Variants in LRCH2 observed in about 807,000 individuals in gnomAD.
The protein encoded by LRCH2 is leucine rich repeats and calponin homology domain containing 2.
LRCH2 carries 38 observed loss-of-function variants against 68.9 expected under a neutral mutation model. The ratio of observed to expected loss-of-function variants is 0.55; its 90% CI spans 0.43 to 0.72. The LOEUF is 0.72. Ranked by LOEUF, LRCH2 falls within the 30% of genes least tolerant of loss-of-function variation. LRCH2 has a pLI of 0.00. For synonymous variants in LRCH2, 191 were observed against 208.1 expected (o/e 0.92, Z 0.71); for missense variants, 528 against 572.9 (o/e 0.92, Z 0.80).
chrX:115,130,660 A>C (rs945966853), intron 14 of LRCH2, among the ~76,000 whole-genome samples: 1 of 110,348 alleles, frequency 9.1e-6, no homozygotes, highest in Non-Finnish European at 1.9e-5. Flanking sequence ...TTCATTATTA[A>C]GAAACCTACT....
At chrX:115,190,062 T>A (rs1272513067) in intron 1 of LRCH2, 1 of 1,154,649 alleles carries the variant, frequency 8.7e-7, no homozygotes, top group Non-Finnish European at 1.2e-6. Context: ...ACAAGAGGGC[T>A]GTGCCCCGGT....
intron 15 of LRCH2, among the ~76,000 whole-genome samples, chrX:115,129,741 T>C (rs1327224912): frequency 8.9e-6 from 1 of 111,771 alleles, no homozygotes; most frequent in Non-Finnish European, 1.9e-5. Flanking sequence ...GAAAGGTTTA[T>C]GGTAATGCAC....
intron 1 of LRCH2, chrX:115,192,090 G>A (rs1556560776): frequency 1.7e-6 from 2 of 1,164,950 alleles, no homozygotes; most frequent in Non-Finnish European, 2.3e-6. Context: ...CCCACAGCGG[G>A]GACCACTACA....
intron 1 of LRCH2, among the ~76,000 whole-genome samples, chrX:115,223,261 G>A (rs912427935): frequency 9.0e-6 from 1 of 111,375 alleles, no homozygotes; most frequent in Non-Finnish European, 1.9e-5. Flanking sequence ...AGGATAAATC[G>A]TTCTGACCCT....
At chrX:115,119,147 T>C (rs1453799889) in intron 20 of LRCH2, among the ~76,000 whole-genome samples, 20 of 110,124 alleles carry the variant, frequency 1.8e-4, no homozygotes, top group Non-Finnish European at 3.8e-4. Context: ...CTATTCAACA[T>C]AGTGTTGGAA....
chrX:115,197,120 T>C (rs1389408858), intron 1 of LRCH2, among the ~76,000 whole-genome samples: 1 of 111,502 alleles, frequency 9.0e-6, no homozygotes, highest in South Asian at 3.8e-4. Context: ...CGAACATCAT[T>C]GTCATATCTT....
At chrX:115,207,591 G>A (rs1380376141) in intron 1 of LRCH2, among the ~76,000 whole-genome samples, 2 of 111,540 alleles carry the variant, frequency 1.8e-5, no homozygotes, top group Admixed American at 9.5e-5. Context: ...ATTCCTCCGT[G>A]GGAGATTCAC....
chrX:115,138,562 C>T (rs1556532782), intron 14 of LRCH2, among the ~76,000 whole-genome samples: 1 of 110,520 alleles, frequency 9.0e-6, no homozygotes, highest in Non-Finnish European at 1.9e-5. Flanking sequence ...CTTTTTCTTC[C>T]CTATAACAGA....
At position 115,111,093 on chromosome X, in the gene LRCH2, T is replaced by C. The variant is rs989784699; in HGVS notation, c.*2123A>G. On this transcript the variant is annotated 3_prime_UTR_variant, in exon 21 of 21. Transcript: ENST00000317135. The stretch of plus-strand genomic sequence containing the variant: ...ATACATCAGAGCCTTGGTATAACAT[T>C]GTAGGGGACCATGCTGTGAAACTGC... The C allele has an allele frequency of 3.6e-5, 4 of 111,450 alleles. No individual in the cohort carries two copies. The highest frequency in any genetic ancestry group is 1.3e-4 in the African/African-American group (4 of 30,674). The allele number at this position is 111,450 out of a possible 1,213,427, so 9.2% of individuals were successfully genotyped here.
chrX:115,175,867 T>C (rs782010238), intron 5 of LRCH2, among the ~76,000 whole-genome samples: 2 of 112,022 alleles, frequency 1.8e-5, no homozygotes, highest in Admixed American at 9.5e-5. Flanking sequence ...TTTCACTAAG[T>C]TCTGTGAACC....
intron 1 of LRCH2, among the ~76,000 whole-genome samples, chrX:115,216,547 T>G (rs1309908964): frequency 3.6e-5 from 4 of 111,510 alleles, no homozygotes; most frequent in African/African-American, 1.3e-4. Flanking sequence ...CAGACAAAAT[T>G]TTGAGACAGC....
intron 5 of LRCH2, 113 bp from the exon 6 acceptor site, chrX:115,170,545 T>C: frequency 1.4e-6 from 1 of 695,360 alleles, no homozygotes; most frequent in Non-Finnish European, 1.9e-6. Context: ...TCTTGATTGA[T>C]ACTTTGCATA....
chrX:115,153,427 G>C (rs1556538695), intron 12 of LRCH2, among the ~76,000 whole-genome samples: 2 of 111,355 alleles, frequency 1.8e-5, no homozygotes, highest in Non-Finnish European at 3.8e-5. Context: ...CTTTTAGGCA[G>C]AAAGAAAGTG....
At chrX:115,118,406 T>C (rs2072103566) in intron 20 of LRCH2, among the ~76,000 whole-genome samples, 1 of 109,007 alleles carries the variant, frequency 9.2e-6, no homozygotes, top group Non-Finnish European at 1.9e-5. Flanking sequence ...GCAAATAAAC[T>C]AGAAAATCTA....
chrX:115,127,717 C>T (rs1172055341), intron 15 of LRCH2, among the ~76,000 whole-genome samples: 1 of 110,848 alleles, frequency 9.0e-6, no homozygotes, highest in Admixed American at 9.7e-5. Context: ...AACTGAGTGT[C>T]TACCAGAAAA....
intron 1 of LRCH2, chrX:115,190,003 C>T: frequency 1.7e-6 from 2 of 1,161,393 alleles, no homozygotes; most frequent in Non-Finnish European, 2.3e-6. Flanking sequence ...TGTGTCGGGG[C>T]AAGATGGCTA....
At chrX:115,161,565 T>C (rs1331260164) in intron 11 of LRCH2, among the ~76,000 whole-genome samples, 2 of 110,949 alleles carry the variant, frequency 1.8e-5, no homozygotes, top group Non-Finnish European at 3.8e-5. Context: ...ACAGCAGAAG[T>C]TTTTTTTAGG....
At chrX:115,189,116 T>A (rs2072757294) in intron 1 of LRCH2, among the ~76,000 whole-genome samples, 1 of 111,621 alleles carries the variant, frequency 9.0e-6, no homozygotes, top group Non-Finnish European at 1.9e-5. Context: ...CACTCTCACA[T>A]CCACCAATGT....
chrX:115,182,259 A>G (rs1289160189), intron 3 of LRCH2, among the ~76,000 whole-genome samples: 17 of 111,626 alleles, frequency 1.5e-4, no homozygotes, highest in South Asian at 7.4e-4. Context: ...AGGGCCAAAA[A>G]CTAAATTAAA....
Sources: allele counts gnomAD v4.1 joint callset (sites outside exome capture counted in the v4.1 genomes callset), GRCh38; gene constraint gnomAD v4.1.1; transcripts MANE v1.5; gene names NCBI Gene and HGNC (gene_info 2026-07-23, HGNC 2026-07-21).